SEPTIN3: variants seen among roughly 807,000 people sequenced by gnomAD.
SEPTIN3 encodes neuronal-specific septin-3.
A neutral mutation model predicts 45.1 loss-of-function variants in SEPTIN3; 15 were observed. That is an observed-to-expected ratio of 0.33 (90% CI 0.22 to 0.51). The LOEUF (loss-of-function observed/expected upper bound fraction) is 0.51. Among genes scored for constraint, SEPTIN3 ranks in the 20% least tolerant of loss-of-function variants. SEPTIN3 has a pLI of 0.97. For synonymous variants in SEPTIN3, 148 were observed against 164.8 expected, an observed-to-expected ratio of 0.90 and a Z score of 0.78; for missense variants, 289 against 457.2, an observed-to-expected ratio of 0.63 and a Z score of 3.35.
chr22:41,984,906 G>A (rs1298629178), intron 3 of SEPTIN3, among the ~76,000 whole-genome samples: 13 of 134,700 alleles, frequency 9.7e-5, no homozygotes, highest in Admixed American at 8.9e-4. Context: ...AGGCTGGAGC[G>A]CAGTGGCGCG....
Position 41,981,741 on chromosome 22 carries a change from C to G in SEPTIN3, c.1601C>G (p.Ser534Cys). ...CCCATGAAGCCCATGAGCATCAACT[C>G]CAACCTGCTGGGCTACATCGGCATC... is the stretch of plus-strand genomic sequence containing the variant. The part of the protein sequence containing the change: ...AVPMKPMSIN[S>C]NLLGYIGIDT... Residue 534 changes from serine to cysteine, a missense_variant, in exon 3 of 12, where the codon TCC becomes TGC. Transcript: ENST00000644076. 1 of 1,614,112 alleles carries G rather than the reference C, an allele frequency of 6.2e-7. No homozygotes were observed. The highest frequency in any genetic ancestry group is 8.5e-7 in the Non-Finnish European group (1 of 1,180,008).
chr22:41,981,180 G>C (rs188016888), intron 2 of SEPTIN3: 1 of 155,744 alleles, frequency 6.4e-6, no homozygotes, highest in African/African-American at 2.4e-5. Flanking sequence ...GGGCAATGGT[G>C]CTTCCCAGGG....
chr22:41,971,645 G>A lies in SEPTIN3; in HGVS notation c.153G>A (p.Arg51=). 1 of 398,948 alleles carries A rather than the reference G, an allele frequency of 2.5e-6. No homozygotes were observed. Among genetic ancestry groups the A allele is most frequent in the Non-Finnish European group, 4.4e-6 (1 of 226,138 alleles). 24.7% of individuals were successfully genotyped at this position (398,948 alleles called of 1,614,324 possible). ...GGGSPLTPVL[R]KTIHLDTFPQ... ...GGTCCCCCCTCACCCCCGTCCTCAG[G>A]AAGACCATCCATCTGGATACCTTCC... The change falls in exon 2 of 12, where the codon AGG becomes AGA. Residue 51 remains arginine (R), a synonymous_variant. Transcript: ENST00000644076.
intron 3 of SEPTIN3, among the ~76,000 whole-genome samples, chr22:41,984,710 G>A (rs911289430): frequency 6.6e-6 from 1 of 151,728 alleles, no homozygotes; most frequent in Non-Finnish European, 1.5e-5. Context: ...TGTATTTTTA[G>A]TGGAGACAGG....
chr22:41,972,316 A>G lies in SEPTIN3; in HGVS notation c.824A>G (p.Asn275Ser), dbSNP rs1157304285. 1 of 399,068 alleles carries G rather than the reference A, an allele frequency of 2.5e-6. No individual in the cohort carries two copies. The highest frequency in any genetic ancestry group is 4.4e-6 in the Non-Finnish European group (1 of 226,148). 24.7% of individuals were successfully genotyped at this position (399,068 alleles called of 1,614,324 possible). The change falls in exon 2 of 12, where the codon AAC (asparagine) becomes AGC (serine). Residue 275 changes from asparagine (N) to serine (S), a missense_variant. By Grantham distance (46) the Asn-to-Ser change is conservative (BLOSUM62 1). Coordinates refer to ENST00000644076, the MANE Select transcript of SEPTIN3 (RefSeq NM_001363845.2). Reference protein sequence around the residue: ...AARHLATMATNRPSLAINLAT... With the variant: ...AARHLATMATSRPSLAINLAT... ...AGACATTTAGCCACAATGGCCACCA[A>G]CAGACCTAGCTTGGCTATCAATTTA... is the stretch of plus-strand genomic sequence containing the variant.
At chr22:41,987,864 C>T (rs951313869) in intron 6 of SEPTIN3, 105 bp downstream of exon 6, 1 of 1,271,452 alleles carries the variant, frequency 7.9e-7, no homozygotes, top group African/African-American at 1.5e-5. Flanking sequence ...GCCTCCCTAG[C>T]TGAGTCCTAG....
intron 4 of SEPTIN3, 102 bp downstream of exon 4, chr22:41,986,214 A>C: frequency 7.0e-7 from 1 of 1,426,116 alleles, no homozygotes; most frequent in Non-Finnish European, 9.5e-7. Context: ...AATAAAAGGC[A>C]ACCTTAAGAC....
intron 7 of SEPTIN3, among the ~76,000 whole-genome samples, chr22:41,989,971 C>T (rs1270100427): frequency 6.6e-6 from 1 of 152,162 alleles, no homozygotes; most frequent in African/African-American, 2.4e-5. Flanking sequence ...TAAGAAATCA[C>T]TCCTCCAACG....
intron 4 of SEPTIN3, 80 bp from the exon 5 acceptor site, chr22:41,987,126 C>A: frequency 3.7e-6 from 4 of 1,093,674 alleles, no homozygotes; most frequent in Non-Finnish European, 5.3e-6. Flanking sequence ...AGGCCTGGGT[C>A]TCCCTGGCTA....
rs1257241235 is a variant in SEPTIN3, at chr22:41,991,676, C to T, written c.2259+8C>T. 3 of 1,581,708 alleles carry T rather than the reference C, an allele frequency of 1.9e-6. No individual in the cohort carries two copies. Among genetic ancestry groups the T allele is most frequent in the Admixed American group, 1.7e-5 (1 of 59,962 alleles). ...GAGAATGACAAAATCAGGGTGGGTG[C>T]CTGGGGCACTGCTCCTCCACTGATG... is the stretch of plus-strand genomic sequence containing the variant. On this transcript the variant is annotated splice_region_variant and intron_variant, in intron 8 of 11. Transcript: ENST00000644076.
intron 2 of SEPTIN3, among the ~76,000 whole-genome samples, chr22:41,978,941 G>T (rs1208555257): frequency 6.9e-6 from 1 of 144,870 alleles, no homozygotes; most frequent in African/African-American, 2.5e-5. Flanking sequence ...GGAGCCAGGG[G>T]TTGGAGGGGG....
chr22:41,995,501 C>A (rs1192176764), intron 11 of SEPTIN3: 1 of 985,486 alleles, frequency 1.0e-6, no homozygotes. Context: ...TGTCTTCTTT[C>A]TCCCTTTCCC....
In SEPTIN3 at chr22:41,976,232, C is replaced by T. The variant is rs1362807180; in HGVS notation, c.1504+3236C>T. 3 of 152,512 alleles carry T rather than the reference C, an allele frequency of 2.0e-5. No homozygotes were observed. The highest frequency in any genetic ancestry group is 4.4e-5 in the Non-Finnish European group (3 of 68,268). 9.4% of individuals were successfully genotyped at this position (152,512 alleles called of 1,614,324 possible). On this transcript the variant is annotated intron_variant, in intron 2 of 11. Transcript: ENST00000644076. This position sits in a 1 kb window ranked among gnomAD's most constrained non-coding sequence, Gnocchi z 5.8. ...CACCCTCAGTTCCCTGTGTGCACCCCGGCCCCTGCATTAGGACATTCCATC... is the reference window on the plus strand; with the variant it reads ...CACCCTCAGTTCCCTGTGTGCACCCTGGCCCCTGCATTAGGACATTCCATC...
Position 41,992,760 on chromosome 22 carries a change from GA to G in SEPTIN3, c.2358del (p.Val787TrpfsTer27). 1 of 1,601,570 alleles carries G rather than the reference GA, an allele frequency of 6.2e-7. No individual in the cohort carries two copies. The highest frequency in any genetic ancestry group is 8.5e-7 in the Non-Finnish European group (1 of 1,171,386). ...LGRKTPWGII[E>X]VENLNHCEFA... ...CCGAAAAACTCCATGGGGGATCATC[GA>G]AGGTAATTCACTGCATCTTCTGGAA... On this transcript the variant is annotated frameshift_variant and splice_region_variant, in exon 9 of 12. Transcript: ENST00000644076. LOFTEE classifies it high-confidence loss of function.
chr22:41,996,804 C>T, intron 11 of SEPTIN3, 98 bp from the exon 12 acceptor site: 1 of 1,572,118 alleles, frequency 6.4e-7, no homozygotes. Flanking sequence ...GCCTGGCACC[C>T]CTGAACCATG....
rs750322012 is a variant in SEPTIN3 at position 41,987,220 on chromosome 22, G to A, written c.1840G>A (p.Gly614Ser). The change falls in exon 5 of 12, where the codon GGT (glycine) becomes AGT (serine). Residue 614 changes from glycine to serine, a missense_variant. Coordinates refer to ENST00000644076, the MANE Select transcript of SEPTIN3 (RefSeq NM_001363845.2). Reference sequence around the variant, plus strand: ...TTCACCCCCAGTGATAGAGGAAGGCGGTGTCAAAATGAAGCTGACCGTCAT... The same window carrying A: ...TTCACCCCCAGTGATAGAGGAAGGCAGTGTCAAAATGAAGCTGACCGTCAT... ...KAIGHVIEEG[G>S]VKMKLTVIDT... 23 of 1,613,296 alleles carry A rather than the reference G, an allele frequency of 1.4e-5. No individual in the cohort carries two copies. Among genetic ancestry groups the A allele is most frequent in the East Asian group, 2.2e-5 (1 of 44,886 alleles).
Position 41,972,206 on chromosome 22 carries a change from G to C in SEPTIN3, c.714G>C (p.Arg238Ser), listed in dbSNP as rs939864731. 2.5e-6 allele frequency: 1 copy of C among 399,010 alleles called. No individual in the cohort carries two copies. The highest frequency in any genetic ancestry group is 4.4e-6 in the Non-Finnish European group (1 of 226,150). 24.7% of individuals were successfully genotyped at this position (399,010 alleles called of 1,614,324 possible). A position where few individuals can be genotyped will look rare whatever the true frequency, so the allele number is the denominator to read the frequency against. Reference sequence around the variant, plus strand: ...CAGGAAAAGGCAAGCCCCGGGCCAGGGGGATCCCCAGACCCCGGGGGCGTC... The same window carrying C: ...CAGGAAAAGGCAAGCCCCGGGCCAGCGGGATCCCCAGACCCCGGGGGCGTC... ...ASPGKGKPRA[R>S]GIPRPRGRLQ... The change falls in exon 2 of 12, where the codon AGG becomes AGC. Residue 238 changes from arginine (R) to serine (S), a missense_variant. Arg to Ser is a moderately radical substitution (Grantham distance 110). Transcript: ENST00000644076.
intron 2 of SEPTIN3, among the ~76,000 whole-genome samples, chr22:41,978,095 A>G (rs1296455555): frequency 2.0e-5 from 3 of 152,178 alleles, no homozygotes; most frequent in Non-Finnish European, 4.4e-5. Flanking sequence ...GCCCCCCTCC[A>G]ATCCTTGTTG....
chr22:41,994,853 G>A lies in SEPTIN3; in HGVS notation c.2505+139G>A. 6.3e-7 allele frequency: 1 copy of A among 1,575,398 alleles called. No homozygotes were observed. The highest frequency in any genetic ancestry group is 1.2e-5 in the South Asian group (1 of 85,958). On this transcript the variant is annotated intron_variant, in intron 11 of 11. Transcript: ENST00000644076. The surrounding 1 kb of genome is among the most constrained non-coding windows in gnomAD (Gnocchi z 4.2). Reference sequence around the variant, plus strand: ...TTCTTCCTCTCAACTCTGTCCCACAGGCCTGTCTGGTATTTGTGGAGCATC... The same window carrying A: ...TTCTTCCTCTCAACTCTGTCCCACAAGCCTGTCTGGTATTTGTGGAGCATC...
Sources: gnomAD v4.1 joint callset for allele counts (sites outside exome capture counted in the v4.1 genomes callset) on GRCh38, gnomAD v4.1.1 for gene constraint, Gnocchi (gnomAD v3.1) non-coding constraint, MANE v1.5 for transcripts, NCBI Gene and HGNC (gene_info 2026-07-23, HGNC 2026-07-21) for gene names.